The following ZNF83 variants were observed in gnomAD, a reference collection of about 807,000 sequenced individuals.
The protein encoded by ZNF83 is zinc finger protein 816B.
For missense variants in ZNF83, 552 were observed against 629.9 expected (o/e 0.88, Z 1.32); for synonymous variants, 209 against 213.0 (o/e 0.98, Z 0.17).
At chr19:52,653,246 T>TA (rs1432191822) in intron 3 of ZNF83, 10 of 1,526,314 alleles carry the variant, frequency 6.6e-6, no homozygotes, top group African/African-American at 1.4e-5. Flanking sequence ...TTCTCTCCAG[T>TA]ATGAAGCCTA....
chr19:52,618,593 C>T (rs373459179), intron 2 of ZNF83: 16 of 255,770 alleles, frequency 6.3e-5, no homozygotes, highest in South Asian at 2.9e-4. Context: ...GATGACGTTT[C>T]GCCATGTTGG....
chr19:52,685,897 CAAAA>C (rs3055370), intron 1 of ZNF83, among the ~76,000 whole-genome samples: 1 of 132,442 alleles, frequency 7.6e-6, no homozygotes, highest in Non-Finnish European at 1.7e-5. Context: ...GTAACTGTCA[CAAAA>C]AAAAAAAAAA....
chr19:52,613,461 G>A lies in ZNF83; in HGVS notation c.1104C>T (p.Ala368=), dbSNP rs376708759. Residue 368 remains alanine (A), a synonymous_variant, in exon 3 of 3, where the codon GCC becomes GCT. Coordinates refer to ENST00000301096, the Ensembl canonical transcript of ZNF83. ...CATCACACTTATAAGGTTTCTCACC[G>A]GCATGAATTATCAGATGTTGGGCAA... 101 of 1,613,110 alleles carry A rather than the reference G, an allele frequency of 6.3e-5. No individual in the cohort carries two copies. The African/African-American group carries it at 7.5e-4, about 12-fold the overall frequency.
chr19:52,659,243 A>AGCTGCGATGGAAGCATGAGGAAC (rs1238450365), intron 2 of ZNF83, among the ~76,000 whole-genome samples: 45 of 152,230 alleles, frequency 3.0e-4, no homozygotes, highest in African/African-American at 1.1e-3. Flanking sequence ...TCTTGAGGAA[A>AGCTGCGATGGAAGCATGAGGAAC]GCTGCGATGG....
intron 1 of ZNF83, among the ~76,000 whole-genome samples, chr19:52,679,054 A>G (rs1351103071): frequency 6.6e-6 from 1 of 152,142 alleles, no homozygotes; most frequent in Non-Finnish European, 1.5e-5. Context: ...ATTGATGAAA[A>G]CCATATCTGT....
At chr19:52,639,156 G>A (rs932406554), upstream of ZNF83, among the ~76,000 whole-genome samples, 5 of 152,064 alleles carry the variant, frequency 3.3e-5, no homozygotes, top group East Asian at 7.7e-4. Flanking sequence ...AGGCTGGAGT[G>A]CAATGGCGCG....
At chr19:52,624,152 C>G (rs574379283) in intron 2 of ZNF83, among the ~76,000 whole-genome samples, 2 of 152,314 alleles carry the variant, frequency 1.3e-5, no homozygotes, top group South Asian at 4.1e-4. Flanking sequence ...GATTTACTTT[C>G]TTTTCACTCC....
intron 2 of ZNF83, 27 bp downstream of exon 2, chr19:52,635,039 A>G (rs1223885496): frequency 6.8e-6 from 5 of 734,878 alleles, no homozygotes; most frequent in Non-Finnish European, 1.2e-5. Context: ...AAAGAGACAG[A>G]ACAATCCACC....
intron 1 of ZNF83, among the ~76,000 whole-genome samples, chr19:52,676,510 G>GC (rs1295468463): frequency 1.3e-5 from 2 of 150,430 alleles, no homozygotes; most frequent in South Asian, 2.1e-4. Flanking sequence ...GTGGGGGGCA[G>GC]CCCCCGCCCG....
At chr19:52,641,571 T>C (rs537745867), upstream of ZNF83, among the ~76,000 whole-genome samples, 4 of 152,268 alleles carry the variant, frequency 2.6e-5, no homozygotes, top group African/African-American at 9.6e-5. Context: ...TTACACTTAG[T>C]TCTTTTCTTT....
At chr19:52,676,335 C>A (rs561719495) in intron 1 of ZNF83, among the ~76,000 whole-genome samples, 10 of 152,300 alleles carry the variant, frequency 6.6e-5, no homozygotes, top group East Asian at 5.8e-4. Context: ...TCACTACAAC[C>A]TCCACCTCCC....
chr19:52,687,501 TA>T (rs368839229), intron 1 of ZNF83, among the ~76,000 whole-genome samples: 2 of 62,618 alleles, frequency 3.2e-5, no homozygotes, highest in Non-Finnish European at 5.9e-5. Context: ...TTTATATAGA[TA>T]TATAAATTAT....
chr19:52,665,732 G>A (rs947088718), intron 1 of ZNF83, among the ~76,000 whole-genome samples: 6 of 152,132 alleles, frequency 3.9e-5, no homozygotes, highest in Middle Eastern at 3.4e-3. Context: ...TAGCCTGTGC[G>A]GTCTAATCCT....
intron 3 of ZNF83, among the ~76,000 whole-genome samples, chr19:52,646,521 CCT>C (rs1474566709): frequency 1.3e-5 from 2 of 152,126 alleles, no homozygotes; most frequent in Non-Finnish European, 2.9e-5. Context: ...GGCACTCCAT[CCT>C]GGGTGATAGA....
exon 3 of ZNF83, chr19:52,614,284 TTGTA>T: frequency 6.2e-7 from 1 of 1,614,146 alleles, no homozygotes; most frequent in Non-Finnish European, 8.5e-7. Context: ...CTCACTACAT[TTGTA>T]GTGTTCTGTC....
intron 2 of ZNF83, among the ~76,000 whole-genome samples, chr19:52,630,212 C>T (rs1194805453): frequency 6.6e-6 from 1 of 152,306 alleles, no homozygotes; most frequent in East Asian, 1.9e-4. Context: ...CTCTGACTGA[C>T]TCCTTCCCAG....
At chr19:52,633,894 G>A (rs2061056837) in intron 2 of ZNF83, among the ~76,000 whole-genome samples, 1 of 151,946 alleles carries the variant, frequency 6.6e-6, no homozygotes, top group African/African-American at 2.4e-5. Context: ...TGGGCAACAA[G>A]AGTGAAACTC....
At chr19:52,625,389 C>T (rs974888280) in intron 2 of ZNF83, among the ~76,000 whole-genome samples, 6 of 152,078 alleles carry the variant, frequency 3.9e-5, no homozygotes, top group East Asian at 1.9e-4. Flanking sequence ...TTCTCAAGGC[C>T]GCATTCTCCT....
At chr19:52,645,326 G>A (rs59137264) in intron 3 of ZNF83, among the ~76,000 whole-genome samples, 17,994 of 152,078 alleles carry the variant, frequency 0.12, 1,205 homozygotes, top group Admixed American at 0.13. Flanking sequence ...TGCACATCTC[G>A]ATTTGAACCA....
Sources: gnomAD v4.1 joint callset for allele counts (sites outside exome capture counted in the v4.1 genomes callset) on GRCh38, gnomAD v4.1.1 for gene constraint, MANE v1.5 for transcripts, NCBI Gene and HGNC (gene_info 2026-07-23, HGNC 2026-07-21) for gene names.